The following MSRB3 variants were observed in gnomAD, a reference collection of about 807,000 sequenced individuals.
MSRB3 encodes methionine sulfoxide reductase B3, also known as methionine-R-sulfoxide reductase B3.
Under a neutral mutation model 21.0 loss-of-function variants are expected in MSRB3, and 13 were observed. That is an observed-to-expected ratio of 0.62 (90% CI 0.40 to 0.98). MSRB3 has a LOEUF of 0.98. Among genes scored for constraint, MSRB3 ranks in the 50% least tolerant of loss-of-function variants. The probability of loss-of-function intolerance (pLI) is 0.00; values close to 1 mark genes in which losing one functional copy is unlikely to be tolerated. For missense variants in MSRB3, 199 were observed against 230.3 expected, an observed-to-expected ratio of 0.86 and a Z score of 0.88; for synonymous variants, 87 against 88.6, an observed-to-expected ratio of 0.98 and a Z score of 0.10.
At position 65,425,563 on chromosome 12, in the gene MSRB3, T is replaced by G. The variant is rs527928612; in HGVS notation, c.293-28165T>G. 6.0e-4 allele frequency among the ~76,000 whole-genome samples: 92 copies of G among 152,196 alleles called. 1 individual carries two copies. Among genetic ancestry groups the G allele is most frequent in the Admixed American group, 1.8e-3 (27 of 15,282 alleles). On this transcript the variant is annotated intron_variant, in intron 5 of 6. Transcript: ENST00000308259. The stretch of plus-strand genomic sequence containing the variant: ...ACTACTATGAGACTTATATAAAACA[T>G]ATTATAGTCATAATAGGCTATTTTA...
intron 5 of MSRB3, among the ~76,000 whole-genome samples, chr12:65,411,278 C>G: frequency 6.6e-6 from 1 of 152,102 alleles, no homozygotes; most frequent in Admixed American, 6.6e-5. Context: ...TGACATTTTT[C>G]TCTTCCAAAA....
intron 5 of MSRB3, among the ~76,000 whole-genome samples, chr12:65,438,660 G>A (rs1475963180): frequency 2.0e-5 from 3 of 151,852 alleles, no homozygotes; most frequent in Non-Finnish European, 4.4e-5. Flanking sequence ...AAGGCAGAGT[G>A]GAGGAAAATG....
chr12:65,377,879 A>T (rs1047988677), intron 5 of MSRB3, among the ~76,000 whole-genome samples: 20 of 152,180 alleles, frequency 1.3e-4, no homozygotes, highest in African/African-American at 4.6e-4. Context: ...TGCTTTCCTT[A>T]TATCACTTTT....
chr12:65,445,748 C>A (rs1055691715), intron 5 of MSRB3, among the ~76,000 whole-genome samples: 1 of 151,200 alleles, frequency 6.6e-6, no homozygotes, highest in Non-Finnish European at 1.5e-5. Flanking sequence ...AAGGTTCAAG[C>A]GATTCTCCCA....
intron 4 of MSRB3, among the ~76,000 whole-genome samples, chr12:65,343,278 T>A (rs553824520): frequency 6.6e-6 from 1 of 152,228 alleles, no homozygotes; most frequent in South Asian, 2.1e-4. Flanking sequence ...TTGTTGCTGC[T>A]TCTTTCCTTT....
chr12:65,396,688 T>C (rs1236411421), intron 5 of MSRB3, among the ~76,000 whole-genome samples: 1 of 35,572 alleles, frequency 2.8e-5, no homozygotes, highest in Non-Finnish European at 4.6e-5. Flanking sequence ...TGAAACTCCA[T>C]CTCAAAAAAA....
At chr12:65,379,843 T>C (rs1002325256) in intron 5 of MSRB3, among the ~76,000 whole-genome samples, 2 of 152,222 alleles carry the variant, frequency 1.3e-5, no homozygotes, top group African/African-American at 4.8e-5. Context: ...AACCAGTGTG[T>C]AGGCATTTTT....
At chr12:65,381,880 A>G (rs925737473) in intron 5 of MSRB3, among the ~76,000 whole-genome samples, 1 of 152,042 alleles carries the variant, frequency 6.6e-6, no homozygotes, top group Non-Finnish European at 1.5e-5. Flanking sequence ...GCAAATTAGT[A>G]AACTTCTATT....
intron 5 of MSRB3, among the ~76,000 whole-genome samples, chr12:65,443,414 T>G (rs969050476): frequency 2.6e-5 from 4 of 152,138 alleles, no homozygotes; most frequent in Non-Finnish European, 4.4e-5. Context: ...AAAGTAAACA[T>G]GATAAATTTG....
intron 5 of MSRB3, among the ~76,000 whole-genome samples, chr12:65,424,944 C>T (rs1275586086): frequency 3.2e-4 from 1 of 3,140 alleles, no homozygotes; most frequent in Non-Finnish European, 9.8e-4. Context: ...TATAGTCTAT[C>T]TCTCCCTTCA....
In MSRB3 at chr12:65,326,929, C is replaced by A. The variant is rs147698935; in HGVS notation, c.180C>A (p.Thr60=). ...LQYHVTQEKG[T]ESAFEGEYTH... ...ACCATGTCACTCAGGAGAAAGGGAC[C>A]GAAAGGTAAGGTGAGCTTTAATAAA... The change falls in exon 3 of 7, where the codon ACC becomes ACA. Residue 60 remains threonine, a synonymous_variant. Coordinates refer to ENST00000308259, the MANE Select transcript of MSRB3 (RefSeq NM_001031679.3). 9.3e-6 allele frequency: 15 copies of A among 1,611,742 alleles called. No individual in the cohort carries two copies. The Admixed American group carries it at 1.7e-4, about 18-fold the overall frequency.
At chr12:65,381,674 A>T (rs1332598579) in intron 5 of MSRB3, among the ~76,000 whole-genome samples, 1 of 152,048 alleles carries the variant, frequency 6.6e-6, no homozygotes, top group African/African-American at 2.4e-5. Context: ...CTATCCTAAG[A>T]ACATTTTATA....
chr12:65,332,332 T>G (rs539489514), intron 4 of MSRB3, among the ~76,000 whole-genome samples: 1 of 152,054 alleles, frequency 6.6e-6, no homozygotes, highest in South Asian at 2.1e-4. Context: ...GTGTGGAGTT[T>G]CCGTTTGTTA....
At chr12:65,341,995 A>G (rs1876174375) in intron 4 of MSRB3, among the ~76,000 whole-genome samples, 1 of 151,960 alleles carries the variant, frequency 6.6e-6, no homozygotes, top group African/African-American at 2.4e-5. Flanking sequence ...GAAAAACCAA[A>G]GTGTTTTTTT....
In MSRB3 at chr12:65,377,434, G is replaced by A. The variant is rs573303900; in HGVS notation, c.292+8408G>A. On this transcript the variant is annotated intron_variant, in intron 5 of 6. Transcript: ENST00000308259. ...TTACAGGCGCCCTGCCCCCTCCTCCGTCCCCCGCCCTTCTGCAACCATGCC... is the reference window on the plus strand; with the variant it reads ...TTACAGGCGCCCTGCCCCCTCCTCCATCCCCCGCCCTTCTGCAACCATGCC... Among the ~76,000 whole-genome samples, 242 of 151,658 alleles carry A rather than the reference G, an allele frequency of 1.6e-3. 1 individual carries two copies. The highest frequency in any genetic ancestry group is 4.8e-3 in the African/African-American group (197 of 41,316).
intron 4 of MSRB3, among the ~76,000 whole-genome samples, chr12:65,354,686 GT>G (rs1461617804): frequency 2.6e-5 from 4 of 151,730 alleles, no homozygotes; most frequent in Non-Finnish European, 5.9e-5. Context: ...AGATGTATAG[GT>G]TTCATGGAAG....
chr12:65,387,891 T>C (rs980247209), intron 5 of MSRB3, among the ~76,000 whole-genome samples: 2 of 152,188 alleles, frequency 1.3e-5, no homozygotes, highest in Non-Finnish European at 2.9e-5. Context: ...TGTATGTCAG[T>C]CTTTTCTTTC....
rs1282651108 is a variant in MSRB3, at chr12:65,466,207, T to C, written c.*2885T>C. 6.6e-6 allele frequency: 1 copy of C among 152,204 alleles called. No individual in the cohort carries two copies. The highest frequency in any genetic ancestry group is 1.5e-5 in the Non-Finnish European group (1 of 68,012). 9.4% of individuals were successfully genotyped at this position (152,204 alleles called of 1,614,324 possible). On this transcript the variant is annotated 3_prime_UTR_variant, in exon 7 of 7. Coordinates refer to ENST00000308259, the MANE Select transcript of MSRB3 (RefSeq NM_001031679.3). ...TTTCCAGGATCGACTTTAAGAAAAA[T>C]GCAACATCTATTGAAAAAAAGTGGG...
At chr12:65,385,856 C>T (rs1879171625) in intron 5 of MSRB3, among the ~76,000 whole-genome samples, 1 of 151,776 alleles carries the variant, frequency 6.6e-6, no homozygotes, top group Non-Finnish European at 1.5e-5. Flanking sequence ...TTTAAGAAAA[C>T]TTCTAGGTAT....
Sources: allele counts gnomAD v4.1 joint callset (sites outside exome capture counted in the v4.1 genomes callset), GRCh38; gene constraint gnomAD v4.1.1; transcripts MANE v1.5; gene names NCBI Gene and HGNC (gene_info 2026-07-23, HGNC 2026-07-21).